VNN2: variants seen among roughly 807,000 people sequenced by gnomAD.
VNN2 encodes vanin 2.
Under a neutral mutation model 43.0 loss-of-function variants are expected in VNN2, and 43 were observed. The observed-to-expected ratio is 1.00, with a 90% CI of 0.78 to 1.29. The LOEUF (loss-of-function observed/expected upper bound fraction) is 1.29, where lower values mean the gene tolerates loss of function less well. Ranked by LOEUF, VNN2 falls within the 50% of genes most tolerant of loss-of-function variation. VNN2 has a pLI of 0.00. For missense variants in VNN2, 652 were observed against 619.7 expected, an observed-to-expected ratio of 1.05 and a Z score of -0.55; for synonymous variants, 230 against 224.3, an observed-to-expected ratio of 1.03 and a Z score of -0.23.
chr6:132,749,281 G>A (rs1779907021), intron 6 of VNN2, among the ~76,000 whole-genome samples: 1 of 152,192 alleles, frequency 6.6e-6, no homozygotes, highest in Non-Finnish European at 1.5e-5. Context: ...GGTGCAAGCA[G>A]AGATTTGCAA....
rs751165081 is a variant in VNN2 at position 132,751,413 on chromosome 6, G to A, written c.932C>T (p.Ser311Leu). ...ATTAACAGCTGTTGGGTAGGCAAGC[G>A]AGGATAGGGGATGTGAATCCACCTC... ...LSEVDSHPLS[S>L]LAYPTAVNWN... The change falls in exon 5 of 7, where the codon TCG (serine) becomes TTG (leucine). Residue 311 changes from serine (S) to leucine (L), a missense_variant. Coordinates refer to ENST00000326499, the MANE Select transcript of VNN2 (RefSeq NM_004665.6). 8 of 1,614,060 alleles carry A rather than the reference G, an allele frequency of 5.0e-6. No homozygotes were observed. Among genetic ancestry groups the A allele is most frequent in the Middle Eastern group, 1.6e-4 (1 of 6,084 alleles).
upstream of VNN2, chr6:132,760,862 G>C (rs1231105319): frequency 6.6e-6 from 1 of 152,086 alleles, no homozygotes; most frequent in Non-Finnish European, 1.5e-5. Context: ...GGCTAACAGG[G>C]AAAGGGAAAA....
chr6:132,758,033 CTTCTTCTTTTT>C, upstream of VNN2: 1 of 69,412 alleles, frequency 1.4e-5, no homozygotes, highest in Non-Finnish European at 2.2e-5. Context: ...TCTTCTTCTT[CTTCTTCTTTTT>C]TTTTTTTTTT....
At chr6:132,744,513 T>C in intron 6 of VNN2, 22 bp from the exon 7 acceptor site, 2 of 1,556,062 alleles carry the variant, frequency 1.3e-6, no homozygotes, top group Admixed American at 2.2e-5. Flanking sequence ...GTGGGAAAAG[T>C]ACAGTCAGCT....
upstream of VNN2, among the ~76,000 whole-genome samples, chr6:132,758,735 C>T (rs1041130691): frequency 6.6e-6 from 1 of 152,128 alleles, no homozygotes; most frequent in African/African-American, 2.4e-5. Context: ...CCCAAATCTA[C>T]ACTCTGACTT....
Position 132,757,681 on chromosome 6 carries a change from G to T in VNN2, c.203C>A (p.Ala68Glu), listed in dbSNP as rs770293936. ...IDILETAIKQAAEQGARIIVT... is the reference protein window; with the variant it reads ...IDILETAIKQEAEQGARIIVT... Reference sequence around the variant, plus strand: ...GAAATAAGAGAATACCTGCTCAGCTGCCTGCTTGATCGCTGTCTCCAGAAT... The same window carrying T: ...GAAATAAGAGAATACCTGCTCAGCTTCCTGCTTGATCGCTGTCTCCAGAAT... Residue 68 changes from alanine to glutamate, a missense_variant, in exon 1 of 7, where the codon GCA becomes GAA. By Grantham distance (107) the Ala-to-Glu change is moderately radical. Coordinates refer to ENST00000326499, the MANE Select transcript of VNN2 (RefSeq NM_004665.6). 1.2e-6 allele frequency: 2 copies of T among 1,613,990 alleles called. No homozygotes were observed. The highest frequency in any genetic ancestry group is 2.2e-5 in the East Asian group (1 of 44,888).
Position 132,751,268 on chromosome 6 carries a change from T to C in VNN2, c.1077A>G (p.Thr359=). 6.2e-7 allele frequency: 1 copy of C among 1,614,200 alleles called. No homozygotes were observed. Among genetic ancestry groups the C allele is most frequent in the Non-Finnish European group, 8.5e-7 (1 of 1,180,040 alleles). ...GACAGCAAAGCTCCTTTTGACAGAC[T>C]GTAAGGTTTCCTGCATTTTCAAAAA... ...TELFENAGNL[T]VCQKELCCHL... is the part of the protein sequence containing the mutation. The change falls in exon 5 of 7, where the codon ACA becomes ACG. Residue 359 remains threonine (T), a synonymous_variant. Coordinates refer to ENST00000326499, the MANE Select transcript of VNN2 (RefSeq NM_004665.6).
At chr6:132,760,883 T>TA (rs1208781056), upstream of VNN2, 1 of 152,196 alleles carries the variant, frequency 6.6e-6, no homozygotes, top group Non-Finnish European at 1.5e-5. Context: ...TCACTTCTGA[T>TA]ATAAAATCAA....
intron 4 of VNN2, 67 bp downstream of exon 4, chr6:132,752,394 A>G: frequency 8.6e-6 from 13 of 1,511,486 alleles, no homozygotes; most frequent in Non-Finnish European, 1.1e-5. Context: ...AATACAAGTC[A>G]TAACTGAGGC....
At chr6:132,761,476 A>G (rs528522585), upstream of VNN2, among the ~76,000 whole-genome samples, 1 of 152,220 alleles carries the variant, frequency 6.6e-6, no homozygotes, top group South Asian at 2.1e-4. Flanking sequence ...CCTGGCCGAC[A>G]TAGTGAAAGC....
Position 132,744,170 on chromosome 6 carries a change from G to A in VNN2, c.*130C>T. The A allele has an allele frequency of 2.8e-6, 2 of 720,652 alleles. No individual in the cohort carries two copies. Among genetic ancestry groups the A allele is most frequent in the Non-Finnish European group, 4.2e-6 (2 of 479,702 alleles). 44.6% of individuals were successfully genotyped at this position (720,652 alleles called of 1,614,324 possible). A position where few individuals can be genotyped will look rare whatever the true frequency, so the allele number is the denominator to read the frequency against. On this transcript the variant is annotated 3_prime_UTR_variant, in exon 7 of 7. Transcript: ENST00000326499. ...ATACTTAAAAAATAATTATTGATGA[G>A]AAAAAATATTTAGGACTCACTGGTC... is the stretch of plus-strand genomic sequence containing the variant.
chr6:132,760,249 A>G (rs1780708777), upstream of VNN2, among the ~76,000 whole-genome samples: 1 of 152,126 alleles, frequency 6.6e-6, no homozygotes. Context: ...ATCATGGCTC[A>G]CTTCAGCCTC....
At chr6:132,760,248 C>T (rs1780708724), upstream of VNN2, among the ~76,000 whole-genome samples, 1 of 152,142 alleles carries the variant, frequency 6.6e-6, no homozygotes, top group Non-Finnish European at 1.5e-5. Flanking sequence ...GATCATGGCT[C>T]ACTTCAGCCT....
upstream of VNN2, among the ~76,000 whole-genome samples, chr6:132,759,137 T>C (rs976720256): frequency 1.3e-5 from 2 of 152,144 alleles, no homozygotes; most frequent in East Asian, 1.9e-4. Flanking sequence ...AACAATGAGT[T>C]TAAAAACAAT....
Position 132,752,491 on chromosome 6 carries a change from T to G in VNN2, c.796A>C (p.Asn266His), listed in dbSNP as rs772934935. Residue 266 changes from asparagine to histidine, a missense_variant, in exon 4 of 7, where the codon AAC becomes CAC. Coordinates refer to ENST00000326499, the MANE Select transcript of VNN2 (RefSeq NM_004665.6). ...MGMGVNLLVA[N>H]THHVSLNMTG... Reference sequence around the variant, plus strand: ...ATATTTAGGCTGACATGATGTGTGTTGGCCACAAGAAGATTAACTCCCATT... The same window carrying G: ...ATATTTAGGCTGACATGATGTGTGTGGGCCACAAGAAGATTAACTCCCATT... 4 of 1,614,122 alleles carry G rather than the reference T, an allele frequency of 2.5e-6. No individual in the cohort carries two copies. Among genetic ancestry groups the G allele is most frequent in the Non-Finnish European group, 2.5e-6 (3 of 1,180,008 alleles).
At chr6:132,748,375 T>C (rs1265686984) in intron 6 of VNN2, among the ~76,000 whole-genome samples, 1 of 152,230 alleles carries the variant, frequency 6.6e-6, no homozygotes, top group Non-Finnish European at 1.5e-5. Context: ...TTGGATTTTA[T>C]GGCCTTAAGG....
At chr6:132,752,826 G>A in intron 3 of VNN2, 77 bp from the exon 4 acceptor site, 1 of 1,500,554 alleles carries the variant, frequency 6.7e-7, no homozygotes, top group Non-Finnish European at 9.0e-7. Context: ...CTCTAAGTTG[G>A]TAACAGATTT....
At chr6:132,752,979 C>T (rs1780220347) in intron 3 of VNN2, 3 of 467,882 alleles carry the variant, frequency 6.4e-6, no homozygotes, top group Admixed American at 3.8e-5. Context: ...CTCTCTTTCC[C>T]TCTCTCTCAG....
At chr6:132,756,319 C>T (rs909438920) in intron 2 of VNN2, among the ~76,000 whole-genome samples, 5 of 152,164 alleles carry the variant, frequency 3.3e-5, no homozygotes, top group Non-Finnish European at 7.3e-5. Context: ...TAGTACCTCC[C>T]ATCTTTAAAA....
Sources: gnomAD v4.1 joint callset for allele counts (sites outside exome capture counted in the v4.1 genomes callset) on GRCh38, gnomAD v4.1.1 for gene constraint, MANE v1.5 for transcripts, NCBI Gene and HGNC (gene_info 2026-07-23, HGNC 2026-07-21) for gene names.